Variants in NDUFB2 observed in about 807,000 individuals in gnomAD.
The protein encoded by NDUFB2 is NADH dehydrogenase [ubiquinone] 1 beta subcomplex subunit 2, mitochondrial.
In NDUFB2, 13 loss-of-function variants were observed where a neutral mutation model predicts 13.4. The observed-to-expected ratio is 0.97, with a 90% CI of 0.63 to 1.54. The LOEUF (loss-of-function observed/expected upper bound fraction) is 1.54. NDUFB2 is among the 40% of genes most tolerant of loss of function. The pLI, the probability that NDUFB2 is intolerant of heterozygous loss-of-function variation, is 0.00. For synonymous variants in NDUFB2, 47 were observed against 50.6 expected (o/e 0.93, Z 0.30); for missense variants, 150 against 139.7 (o/e 1.07, Z -0.37).
chr7:140,698,880 A>C (rs1259866863), intron 1 of NDUFB2, among the ~76,000 whole-genome samples: 2 of 152,158 alleles, frequency 1.3e-5, no homozygotes, highest in African/African-American at 4.8e-5. Context: ...AACTTTGTCC[A>C]GGCGCGGTGG....
intron 2 of NDUFB2, among the ~76,000 whole-genome samples, chr7:140,703,305 T>C (rs755186393): frequency 5.4e-5 from 8 of 148,052 alleles, no homozygotes; most frequent in Non-Finnish European, 1.2e-4. Flanking sequence ...AGACACAGTT[T>C]CACTCTGTCA....
chr7:140,697,523 AGCGGGTGCGAGGTAG>A, intron 1 of NDUFB2: 1 of 433,618 alleles, frequency 2.3e-6, no homozygotes, highest in Non-Finnish European at 3.7e-6. Context: ...CGAGGTAGGG[AGCGGGTGCGAGGTAG>A]GGAGCAGCTG....
intron 2 of NDUFB2, 75 bp from the exon 3 acceptor site, chr7:140,704,773 TTTCTTTCCAAGA>T: frequency 1.0e-6 from 1 of 964,886 alleles, no homozygotes; most frequent in Non-Finnish European, 1.5e-6. Context: ...TTTTTTTTTT[TTTCTTTCCAAGA>T]TTTATTTAAC....
intron 1 of NDUFB2, chr7:140,697,245 C>A (rs1297750688): frequency 1.4e-6 from 1 of 692,504 alleles, no homozygotes; most frequent in African/African-American, 1.8e-5. Context: ...AGGGCGCGGT[C>A]CAGGGTCCCG....
At chr7:140,697,098 G>T in intron 1 of NDUFB2, 1 of 588,322 alleles carries the variant, frequency 1.7e-6, no homozygotes, top group Non-Finnish European at 3.0e-6. Context: ...CCTGCCCTCG[G>T]GAGACGCACG....
Position 140,696,786 on chromosome 7 carries a change from A to AGGC in NDUFB2, c.43_45dup (p.Gly15dup). Reference sequence around the variant, plus strand: ...GGCTGGCGTCTTTCGCTCGCGTTGGAGGCCGCCTTTTCAGAAGCGGCTGCG... The same window carrying AGGC: ...GGCTGGCGTCTTTCGCTCGCGTTGGAGGCGGCCGCCTTTTCAGAAGCGGCTGCG... On this transcript the variant is annotated inframe_insertion, in exon 1 of 4. Coordinates refer to ENST00000247866, the MANE Select transcript of NDUFB2 (RefSeq NM_004546.3). 6.2e-7 allele frequency: 1 copy of AGGC among 1,608,170 alleles called. No individual in the cohort carries two copies. Among genetic ancestry groups the AGGC allele is most frequent in the Middle Eastern group, 1.7e-4 (1 of 5,844 alleles).
At chr7:140,697,196 C>G in intron 1 of NDUFB2, 1 of 646,092 alleles carries the variant, frequency 1.5e-6, no homozygotes, top group South Asian at 1.7e-5. Context: ...GTGGACGCTC[C>G]TGGAGCGAGG....
chr7:140,704,516 G>A (rs1237118816), intron 2 of NDUFB2, among the ~76,000 whole-genome samples: 1 of 152,178 alleles, frequency 6.6e-6, no homozygotes, highest in African/African-American at 2.4e-5. Context: ...GTAATGTTAG[G>A]AGAGTTGGAA....
At position 140,700,543 on chromosome 7, in the gene NDUFB2, C is replaced by G. The variant is rs141513723; in HGVS notation, c.99-2323C>G. Among the ~76,000 whole-genome samples, 7 of 150,998 alleles carry G rather than the reference C, an allele frequency of 4.6e-5. No individual in the cohort carries two copies. In the East Asian group the frequency reaches 1.4e-3, roughly 30 times the overall value. On this transcript the variant is annotated intron_variant, in intron 1 of 3. Transcript: ENST00000247866. ...GTGGCTCACGCCTATAATCCCAGCA[C>G]TTTGGGAGGTCAGGGCAGGCGGATC...
At chr7:140,698,626 C>T (rs1794852450) in intron 1 of NDUFB2, among the ~76,000 whole-genome samples, 1 of 151,882 alleles carries the variant, frequency 6.6e-6, no homozygotes, top group Non-Finnish European at 1.5e-5. Flanking sequence ...AGGGAAGAGC[C>T]CGGTGGACAT....
rs754033492 is a variant in NDUFB2 at position 140,698,042 on chromosome 7, T to C, written c.98+1200T>C. 21 of 1,297,802 alleles carry C rather than the reference T, an allele frequency of 1.6e-5. No individual in the cohort carries two copies. In the South Asian group the frequency reaches 2.3e-4, roughly 14 times the overall value. The allele number at this position is 1,297,802 out of a possible 1,614,324, so 80.4% of individuals were successfully genotyped here. A position where few individuals can be genotyped will look rare whatever the true frequency, so the allele number is the denominator to read the frequency against. On this transcript the variant is annotated intron_variant, in intron 1 of 3. Coordinates refer to ENST00000247866, the MANE Select transcript of NDUFB2 (RefSeq NM_004546.3). ...AATTGCTGGTGCCTGCTAAGGACCG[T>C]ACAAGTATTCTTTAACTGTTGTTGT... is the stretch of plus-strand genomic sequence containing the variant.
chr7:140,702,182 A>G (rs1585864695), intron 1 of NDUFB2: 1 of 618,092 alleles, frequency 1.6e-6, no homozygotes, highest in East Asian at 2.8e-5. Context: ...GTTTATTAGC[A>G]TATATATGGC....
At chr7:140,702,770 T>G in intron 1 of NDUFB2, 96 bp from the exon 2 acceptor site, 1 of 1,354,384 alleles carries the variant, frequency 7.4e-7, no homozygotes, top group South Asian at 1.4e-5. Flanking sequence ...ATGAGAAACA[T>G]TAGCGTTGGT....
intron 3 of NDUFB2, chr7:140,706,020 T>TATG (rs1794963224): frequency 1.3e-5 from 2 of 150,250 alleles, no homozygotes; most frequent in African/African-American, 5.0e-5. Context: ...TTTATTTTAT[T>TATG]TTATTTTAGT....
chr7:140,704,134 G>A (rs184828485), intron 2 of NDUFB2, among the ~76,000 whole-genome samples: 44 of 152,266 alleles, frequency 2.9e-4, no homozygotes, highest in African/African-American at 9.9e-4. Context: ...GGGAAATTAC[G>A]TCTTTAAGAC....
In NDUFB2 at chr7:140,696,761, G is replaced by T. The variant is rs200087759; in HGVS notation, c.17G>T (p.Arg6Leu). The change falls in exon 1 of 4, where the codon CGG becomes CTG. Residue 6 changes from arginine (R) to leucine (L), a missense_variant. By Grantham distance (102) the Arg-to-Leu change is moderately radical. Transcript: ENST00000247866. ...GGAGCGAGTATGTCCGCTCTGACTC[G>T]GCTGGCGTCTTTCGCTCGCGTTGGA... MSALTRLASFARVGGR... is the reference protein window; with the variant it reads MSALTLLASFARVGGR... The T allele has an allele frequency of 6.5e-5, 104 of 1,601,422 alleles. No individual in the cohort carries two copies. The East Asian group carries it at 2.2e-3, about 34-fold the overall frequency.
At position 140,704,871 on chromosome 7, in the gene NDUFB2, G is replaced by A. The variant is rs181488092; in HGVS notation, c.255G>A (p.Pro85=). 101 of 1,591,412 alleles carry A rather than the reference G, an allele frequency of 6.3e-5. 2 individuals carry two copies. The highest frequency in any genetic ancestry group is 1.7e-4 in the South Asian group (15 of 86,904). Residue 85 remains proline (P), a synonymous_variant, in exon 3 of 4, where the codon CCG becomes CCA. Coordinates refer to ENST00000247866, the MANE Select transcript of NDUFB2 (RefSeq NM_004546.3). ...HDSEEVLGHF[P]YPDPSQWTDE... ...ATGGTTGTCACCAGGGTCACTTTCC[G>A]TATCCTGATCCTTCCCAGTGGACAG...
chr7:140,705,144 G>A (rs1794948414), intron 3 of NDUFB2, 181 bp downstream of exon 3: 2 of 378,630 alleles, frequency 5.3e-6, no homozygotes, highest in Non-Finnish European at 9.2e-6. Flanking sequence ...CTGTCGCCCA[G>A]ACTGGAGTGC....
intron 2 of NDUFB2, among the ~76,000 whole-genome samples, chr7:140,703,293 T>G (rs1351889907): frequency 8.0e-6 from 1 of 125,136 alleles, no homozygotes; most frequent in Non-Finnish European, 1.6e-5. Context: ...TTTTTTTTTT[T>G]GAGACACAGT....
Sources: allele counts gnomAD v4.1 joint callset (sites outside exome capture counted in the v4.1 genomes callset), GRCh38; gene constraint gnomAD v4.1.1; transcripts MANE v1.5; gene names NCBI Gene and HGNC (gene_info 2026-07-23, HGNC 2026-07-21).